LMX1A: variants seen among roughly 807,000 people sequenced by gnomAD.
LMX1A encodes LIM homeobox transcription factor 1-alpha.
LMX1A carries 15 observed loss-of-function variants against 49.1 expected under a neutral mutation model. The observed-to-expected ratio is 0.31, with a 90% CI of 0.20 to 0.47. The LOEUF (loss-of-function observed/expected upper bound fraction) is 0.47. Among genes scored for constraint, LMX1A ranks in the 20% least tolerant of loss-of-function variants. The pLI is 1.00. For synonymous variants in LMX1A, 167 were observed against 185.7 expected (o/e 0.90, Z 0.82); for missense variants, 372 against 475.8 (o/e 0.78, Z 2.03).
chr1:165,286,376 G>A (rs1332242786), intron 3 of LMX1A, among the ~76,000 whole-genome samples: 1 of 152,162 alleles, frequency 6.6e-6, no homozygotes, highest in East Asian at 1.9e-4. Flanking sequence ...GGAAGAGCCA[G>A]GGTGGGTCTG....
intron 4 of LMX1A, among the ~76,000 whole-genome samples, chr1:165,216,805 C>T (rs930594375): frequency 3.9e-5 from 6 of 152,100 alleles, no homozygotes; most frequent in South Asian, 2.1e-4. Flanking sequence ...ATGGTATCTA[C>T]AAGCATGGCC....
chr1:165,275,847 A>ATG (rs529022372), intron 3 of LMX1A, among the ~76,000 whole-genome samples: 18,935 of 138,710 alleles, frequency 0.14, 1,246 homozygotes, highest in Non-Finnish European at 0.17. Flanking sequence ...GTGTGTGTGT[A>ATG]TGTGTGTGTG....
Position 165,353,256 on chromosome 1 carries a change from G to T in LMX1A, c.83C>A (p.Ala28Glu). ...CTCGCAGACAGACTTGGGGCTCACC[G>T]CTCTGCCTGTAGCCACAACAGACGT... Reference protein sequence around the residue: ...SASFSSLLGRAVSPKSVCEGC... With the variant: ...SASFSSLLGREVSPKSVCEGC... The change falls in exon 3 of 9, where the codon GCG becomes GAG. Residue 28 changes from alanine to glutamate, a missense_variant. Around this residue, in one of 3 missense-constraint regions of LMX1A, gnomAD observed 199 missense variants for 244.0 expected, o/e 0.82. Transcript: ENST00000342310. The T allele has an allele frequency of 6.2e-7, 1 of 1,609,922 alleles. No homozygotes were observed.
chr1:165,255,287 C>T (rs1653197576), intron 3 of LMX1A, among the ~76,000 whole-genome samples: 1 of 152,234 alleles, frequency 6.6e-6, no homozygotes, highest in Non-Finnish European at 1.5e-5. Context: ...TTTCTCCCTG[C>T]ACCTCCTCTC....
chr1:165,227,882 A>G (rs1021732142), intron 4 of LMX1A, among the ~76,000 whole-genome samples: 3 of 152,190 alleles, frequency 2.0e-5, no homozygotes, highest in Admixed American at 2.0e-4. Flanking sequence ...TTTAGTCACA[A>G]GCTAGGGAGA....
chr1:165,339,455 T>C (rs957618104), intron 3 of LMX1A, among the ~76,000 whole-genome samples: 1 of 152,188 alleles, frequency 6.6e-6, no homozygotes, highest in East Asian at 1.9e-4. Flanking sequence ...CAACATGCAA[T>C]AGAGTTCTGC....
intron 4 of LMX1A, among the ~76,000 whole-genome samples, chr1:165,231,640 A>G (rs981444234): frequency 6.6e-6 from 1 of 152,218 alleles, no homozygotes; most frequent in African/African-American, 2.4e-5. Context: ...TTTAAATTAT[A>G]TAGTCTGCTT....
intron 3 of LMX1A, among the ~76,000 whole-genome samples, chr1:165,335,404 A>G (rs73019130): frequency 0.026 from 3,983 of 152,294 alleles, 171 homozygotes; most frequent in African/African-American, 0.091. Context: ...CAAATGGATT[A>G]ATTAGGGAGC....
chr1:165,258,537 A>G (rs1470688305), intron 3 of LMX1A, among the ~76,000 whole-genome samples: 1 of 152,210 alleles, frequency 6.6e-6, no homozygotes, highest in Non-Finnish European at 1.5e-5. Flanking sequence ...TGGCAGAGCC[A>G]ATCAGGGTCT....
chr1:165,301,918 TG>T (rs886574876), intron 3 of LMX1A, among the ~76,000 whole-genome samples: 18 of 151,466 alleles, frequency 1.2e-4, no homozygotes, highest in African/African-American at 4.1e-4. Context: ...TGGTTGGGGG[TG>T]GGGGGAATAT....
At chr1:165,348,477 G>C (rs997022127) in intron 3 of LMX1A, among the ~76,000 whole-genome samples, 1 of 152,166 alleles carries the variant, frequency 6.6e-6, no homozygotes, top group Non-Finnish European at 1.5e-5. Flanking sequence ...ACGGCCCATG[G>C]ACGGTGCTTA....
chr1:165,217,723 C>T (rs1651694199), intron 4 of LMX1A, among the ~76,000 whole-genome samples: 2 of 152,200 alleles, frequency 1.3e-5, no homozygotes, highest in South Asian at 4.1e-4. Flanking sequence ...TGAAAAAAAT[C>T]CACATATAAG....
chr1:165,308,859 A>C (rs1175554252), intron 3 of LMX1A, among the ~76,000 whole-genome samples: 1 of 152,102 alleles, frequency 6.6e-6, no homozygotes, highest in Non-Finnish European at 1.5e-5. Flanking sequence ...TGTCATCTGG[A>C]GGGGTGATCT....
chr1:165,315,583 T>A (rs1267073975), intron 3 of LMX1A, among the ~76,000 whole-genome samples: 2 of 152,202 alleles, frequency 1.3e-5, no homozygotes, highest in African/African-American at 4.8e-5. Context: ...TGGTCCGTAA[T>A]CCAACACTGT....
intron 4 of LMX1A, chr1:165,216,119 G>A (rs567871430): frequency 6.6e-6 from 1 of 152,312 alleles, no homozygotes; most frequent in African/African-American, 2.4e-5. Context: ...TCTTGAGGTT[G>A]CTGTTTTCCA....
chr1:165,300,366 T>A (rs1453784302), intron 3 of LMX1A, among the ~76,000 whole-genome samples: 1 of 152,218 alleles, frequency 6.6e-6, no homozygotes, highest in Non-Finnish European at 1.5e-5. Context: ...CTTCCAAGAC[T>A]TTCCTCAACA....
chr1:165,311,741 C>T (rs1055171362), intron 3 of LMX1A, among the ~76,000 whole-genome samples: 2 of 152,236 alleles, frequency 1.3e-5, no homozygotes, highest in African/African-American at 4.8e-5. Context: ...CCTGGAAAAG[C>T]AAGCTCTTCA....
At chr1:165,328,511 T>A (rs1252398723) in intron 3 of LMX1A, among the ~76,000 whole-genome samples, 3 of 152,138 alleles carry the variant, frequency 2.0e-5, no homozygotes, top group Non-Finnish European at 4.4e-5. Flanking sequence ...AAGACTGAAC[T>A]ATGTGGTCCA....
intron 3 of LMX1A, among the ~76,000 whole-genome samples, chr1:165,267,149 T>A (rs2101691865): frequency 6.6e-6 from 1 of 152,350 alleles, no homozygotes; most frequent in Non-Finnish European, 1.5e-5. Flanking sequence ...ATTAGGCAGT[T>A]TCCCACCATT....
Sources: gnomAD v4.1 joint callset for allele counts (sites outside exome capture counted in the v4.1 genomes callset) on GRCh38, gnomAD v4.1.1 for gene constraint, gnomAD v4.1.1 regional missense constraint, MANE v1.5 for transcripts, NCBI Gene and HGNC (gene_info 2026-07-23, HGNC 2026-07-21) for gene names.